Variants in TCP11L2 observed in about 807,000 individuals in gnomAD.
TCP11L2 encodes the protein t-complex 11 like 2.
TCP11L2 carries 39 observed loss-of-function variants against 50.7 expected under a neutral mutation model. That is an observed-to-expected ratio of 0.77 (90% CI 0.60 to 1.01). The LOEUF is 1.01. Among genes scored for constraint, TCP11L2 ranks in the 50% least tolerant of loss-of-function variants. The probability of loss-of-function intolerance (pLI) is 0.00; values close to 1 mark genes in which losing one functional copy is unlikely to be tolerated. For missense variants in TCP11L2, 612 were observed against 614.7 expected (o/e 1.00, Z 0.05); for synonymous variants, 192 against 219.3 (o/e 0.88, Z 1.10).
At chr12:106,340,753 A>G (rs1300755798) in intron 8 of TCP11L2, 73 bp from the exon 9 acceptor site, 9 of 1,312,604 alleles carry the variant, frequency 6.9e-6, no homozygotes, top group Non-Finnish European at 6.2e-6. Context: ...ATCTAAAACA[A>G]GTCTGTATAT....
chr12:106,308,723 G>A (rs1378993464), intron 1 of TCP11L2, among the ~76,000 whole-genome samples: 1 of 152,196 alleles, frequency 6.6e-6, no homozygotes, highest in Non-Finnish European at 1.5e-5. Flanking sequence ...AATCTAATAA[G>A]ATAGGCTTAA....
At chr12:106,329,132 G>GT (rs2035657980) in intron 6 of TCP11L2, among the ~76,000 whole-genome samples, 1 of 152,158 alleles carries the variant, frequency 6.6e-6, no homozygotes, top group Non-Finnish European at 1.5e-5. Flanking sequence ...GAAAATTGGG[G>GT]TAGAAGCACG....
At chr12:106,335,420 C>G (rs1350498589) in intron 6 of TCP11L2, among the ~76,000 whole-genome samples, 2 of 152,136 alleles carry the variant, frequency 1.3e-5, no homozygotes, top group Non-Finnish European at 1.5e-5. Flanking sequence ...TAGATTCTTT[C>G]CTGGACAGCC....
chr12:106,309,311 T>G (rs983733850), intron 1 of TCP11L2, among the ~76,000 whole-genome samples: 28 of 152,286 alleles, frequency 1.8e-4, no homozygotes, highest in African/African-American at 6.0e-4. Context: ...CCACTGAGGA[T>G]GCAAGGGCTC....
At chr12:106,314,699 C>A (rs950942306) in intron 3 of TCP11L2, among the ~76,000 whole-genome samples, 2 of 151,840 alleles carry the variant, frequency 1.3e-5, no homozygotes, top group Non-Finnish European at 2.9e-5. Flanking sequence ...AGGTCTTATA[C>A]TTGTTTTAAA....
intron 6 of TCP11L2, chr12:106,329,339 A>C: frequency 1.3e-6 from 2 of 1,536,122 alleles, no homozygotes; most frequent in South Asian, 2.4e-5. Flanking sequence ...GGAAAAGCCG[A>C]GGTTGCAGGT....
chr12:106,329,748 A>G, intron 6 of TCP11L2: 1 of 1,019,510 alleles, frequency 9.8e-7, no homozygotes. Flanking sequence ...ATAAATGCTT[A>G]TTACTGCCAC....
Position 106,318,382 on chromosome 12 carries a change from T to C in TCP11L2, c.332T>C (p.Phe111Ser), listed in dbSNP as rs2035182455. 1 of 1,613,978 alleles carries C rather than the reference T, an allele frequency of 6.2e-7. No homozygotes were observed. Among genetic ancestry groups the C allele is most frequent in the Admixed American group, 1.7e-5 (1 of 59,998 alleles). Reference protein sequence around the residue: ...GRVKHIVHQAFWDVLDSELNA... With the variant: ...GRVKHIVHQASWDVLDSELNA... ...GTGAAGCACATTGTTCACCAGGCCTTCTGGGACGTCTTGGATTCAGAACTA... is the reference window on the plus strand; with the variant it reads ...GTGAAGCACATTGTTCACCAGGCCTCCTGGGACGTCTTGGATTCAGAACTA... The change falls in exon 4 of 10, where the codon TTC becomes TCC. Residue 111 changes from phenylalanine (F) to serine (S), a missense_variant. Coordinates refer to ENST00000299045, the MANE Select transcript of TCP11L2 (RefSeq NM_152772.3).
intron 6 of TCP11L2, among the ~76,000 whole-genome samples, chr12:106,326,761 CAA>C (rs2035561166): frequency 1.3e-5 from 2 of 152,182 alleles, no homozygotes; most frequent in Non-Finnish European, 2.9e-5. Context: ...TCTCTTCAAA[CAA>C]GATATCAACT....
intron 7 of TCP11L2, 60 bp from the exon 8 acceptor site, chr12:106,335,972 T>A: frequency 6.6e-7 from 1 of 1,511,702 alleles, no homozygotes; most frequent in Middle Eastern, 2.0e-4. Context: ...ATTGCCTGTT[T>A]TGTATTTTCA....
At chr12:106,319,379 TC>T (rs1565846273) in intron 4 of TCP11L2, among the ~76,000 whole-genome samples, 1 of 152,152 alleles carries the variant, frequency 6.6e-6, no homozygotes, top group Admixed American at 6.5e-5. Flanking sequence ...AGCAGTTTTT[TC>T]CCCCCAAAGA....
intron 6 of TCP11L2, among the ~76,000 whole-genome samples, chr12:106,333,549 G>A (rs1052134954): frequency 3.9e-5 from 6 of 152,112 alleles, no homozygotes; most frequent in Non-Finnish European, 7.4e-5. Flanking sequence ...GTTTTAGGTG[G>A]TAGTTGCACA....
At chr12:106,342,900 G>T (rs1206203324) in intron 9 of TCP11L2, among the ~76,000 whole-genome samples, 1 of 152,198 alleles carries the variant, frequency 6.6e-6, no homozygotes, top group Admixed American at 6.5e-5. Context: ...AATGCTTGCA[G>T]TATCAGAAGG....
intron 4 of TCP11L2, among the ~76,000 whole-genome samples, chr12:106,319,169 C>T (rs1442633554): frequency 1.3e-5 from 2 of 152,170 alleles, no homozygotes; most frequent in East Asian, 3.9e-4. Flanking sequence ...CCTTGGCCTC[C>T]CAGAGTGCTG....
chr12:106,300,033 GA>G (rs373001657), upstream of TCP11L2, among the ~76,000 whole-genome samples: 672 of 150,608 alleles, frequency 4.5e-3, 8 homozygotes, highest in East Asian at 0.018. Context: ...TTTACAGGGA[GA>G]AAAAAAAACT....
intron 6 of TCP11L2, among the ~76,000 whole-genome samples, chr12:106,334,336 C>T (rs2035839394): frequency 1.3e-5 from 2 of 152,252 alleles, no homozygotes; most frequent in South Asian, 4.2e-4. Flanking sequence ...TATTTCAGAA[C>T]CTCTCTAGCC....
intron 1 of TCP11L2, among the ~76,000 whole-genome samples, chr12:106,308,393 A>T (rs540990903): frequency 6.6e-6 from 1 of 152,324 alleles, no homozygotes; most frequent in African/African-American, 2.4e-5. Context: ...TAATCTTTGC[A>T]CTTTTCTGCC....
In TCP11L2 at chr12:106,311,162, G is replaced by C. The variant is rs766546613; in HGVS notation, c.87G>C (p.Ser29=). Residue 29 remains serine, a synonymous_variant, in exon 2 of 10, where the codon TCG becomes TCC. Transcript: ENST00000299045. ...DSSRFSESMA[S]LSDYECSRQS... ...CCCGGTTTTCCGAAAGCATGGCTTCGCTCAGTGACTATGAATGCTCCAGGC... is the reference window on the plus strand; with the variant it reads ...CCCGGTTTTCCGAAAGCATGGCTTCCCTCAGTGACTATGAATGCTCCAGGC... 1 of 1,614,070 alleles carries C rather than the reference G, an allele frequency of 6.2e-7. No individual in the cohort carries two copies. The highest frequency in any genetic ancestry group is 1.7e-5 in the Admixed American group (1 of 60,012).
chr12:106,301,390 T>C (rs930763108), upstream of TCP11L2, among the ~76,000 whole-genome samples: 7 of 152,240 alleles, frequency 4.6e-5, no homozygotes, highest in Admixed American at 6.5e-5. Context: ...GCACTTCACA[T>C]GCTTTATTTC....
Sources: gnomAD v4.1 joint callset for allele counts (sites outside exome capture counted in the v4.1 genomes callset) on GRCh38, gnomAD v4.1.1 for gene constraint, MANE v1.5 for transcripts, NCBI Gene and HGNC (gene_info 2026-07-23, HGNC 2026-07-21) for gene names.